Variants in COL12A1 observed in about 807,000 individuals in gnomAD.
The protein encoded by COL12A1 is collagen type XII alpha 1 chain, also known as collagen alpha-1(XII) chain.
In COL12A1, 114 loss-of-function variants were observed where a neutral mutation model predicts 349.7. The ratio of observed to expected loss-of-function variants is 0.33; its 90% CI spans 0.28 to 0.38. COL12A1 has a LOEUF of 0.38. Among genes scored for constraint, COL12A1 ranks in the 10% least tolerant of loss-of-function variants. COL12A1 has a pLI of 1.00. For synonymous variants in COL12A1, 1,369 were observed against 1,329.0 expected, an observed-to-expected ratio of 1.03 and a Z score of -0.66; for missense variants, 3,284 against 3,756.9, an observed-to-expected ratio of 0.87 and a Z score of 3.29.
At chr6:75,190,780 C>A (rs1582211369) in intron 5 of COL12A1, among the ~76,000 whole-genome samples, 1 of 151,858 alleles carries the variant, frequency 6.6e-6, no homozygotes, top group African/African-American at 2.4e-5. Flanking sequence ...CAAATAAATA[C>A]AAGTTGTATG....
intron 21 of COL12A1, among the ~76,000 whole-genome samples, chr6:75,149,995 T>C (rs73749973): frequency 0.024 from 3,631 of 152,162 alleles, 141 homozygotes; most frequent in African/African-American, 0.082. Flanking sequence ...AATCTGTTGT[T>C]CAAAATTCAA....
At position 75,104,419 on chromosome 6, in the gene COL12A1, T is replaced by G. The variant is rs76099806; in HGVS notation, c.8266-609A>C. The stretch of plus-strand genomic sequence containing the variant: ...TGATTCTATATATGAGGAGCTGGCT[T>G]GTAATTAACCTAAAATCGGTCTACA... On this transcript the variant is annotated intron_variant, in intron 54 of 65. Coordinates refer to ENST00000322507, the MANE Select transcript of COL12A1 (RefSeq NM_004370.6). 9.5e-3 allele frequency among the ~76,000 whole-genome samples: 1,445 copies of G among 152,344 alleles called. 18 individuals carry two copies. Among genetic ancestry groups the G allele is most frequent in the African/African-American group, 0.033 (1,369 of 41,584 alleles).
At chr6:75,149,465 C>T (rs766554836) in intron 21 of COL12A1, among the ~76,000 whole-genome samples, 2 of 152,022 alleles carry the variant, frequency 1.3e-5, no homozygotes, top group African/African-American at 2.4e-5. Flanking sequence ...ACATGTTTTT[C>T]AATCTGGGAA....
At chr6:75,143,536 C>T (rs1582124172) in intron 25 of COL12A1, 148 bp from the exon 26 acceptor site, 3 of 804,902 alleles carry the variant, frequency 3.7e-6, no homozygotes, top group Non-Finnish European at 5.7e-6. Context: ...GATAAAAGTA[C>T]CATGATTCTA....
chr6:75,113,509 A>ATATATAGTC, intron 50 of COL12A1, 93 bp downstream of exon 50: 1 of 1,191,414 alleles, frequency 8.4e-7, no homozygotes, highest in Non-Finnish European at 1.1e-6. Context: ...AAATAAATAT[A>ATATATAGTC]TATATAGTCT....
At chr6:75,137,667 T>A in intron 30 of COL12A1, 88 bp from the exon 31 acceptor site, 1 of 1,372,814 alleles carries the variant, frequency 7.3e-7, no homozygotes. Flanking sequence ...AATCAGAGAA[T>A]TCTATGCCTC....
chr6:75,197,548 G>A (rs1770296618), intron 2 of COL12A1, among the ~76,000 whole-genome samples: 1 of 152,040 alleles, frequency 6.6e-6, no homozygotes, highest in South Asian at 2.1e-4. Flanking sequence ...CTGACCTCAG[G>A]TGATCCGCCC....
At chr6:75,099,614 G>A (rs1768208395) in intron 58 of COL12A1, among the ~76,000 whole-genome samples, 1 of 151,018 alleles carries the variant, frequency 6.6e-6, no homozygotes, top group African/African-American at 2.5e-5. Flanking sequence ...GCAGAACTTT[G>A]TGCCACAATT....
Position 75,156,434 on chromosome 6 carries a change from T to A in COL12A1, c.3073A>T (p.Asn1025Tyr), listed in dbSNP as rs1450761024. The A allele has an allele frequency of 6.2e-7, 1 of 1,613,900 alleles. No individual in the cohort carries two copies. Among genetic ancestry groups the A allele is most frequent in the African/African-American group, 1.3e-5 (1 of 74,930 alleles). The stretch of plus-strand genomic sequence containing the variant: ...TGAGGGCGATAGACAACACGGTAGT[T>A]GACGACTTTCCCTGGTGCTGGTTTC... Reference protein sequence around the residue: ...TWKPAPGKVVNYRVVYRPHGR... With the variant: ...TWKPAPGKVVYYRVVYRPHGR... Residue 1025 changes from asparagine (N) to tyrosine (Y), a missense_variant, in exon 15 of 66, where the codon AAC becomes TAC. Asn to Tyr is a moderately radical substitution (Grantham distance 143). Transcript: ENST00000322507.
At chr6:75,188,607 T>C in intron 7 of COL12A1, 72 bp from the exon 8 acceptor site, 1 of 1,506,320 alleles carries the variant, frequency 6.6e-7, no homozygotes, top group East Asian at 2.3e-5. Flanking sequence ...TTCTTCGTTT[T>C]CTCCATCTTT....
intron 47 of COL12A1, 119 bp downstream of exon 47, chr6:75,117,263 G>A (rs1769127049): frequency 2.0e-6 from 2 of 991,068 alleles, no homozygotes; most frequent in South Asian, 1.7e-5. Flanking sequence ...AGGTTCTCAA[G>A]TGATTTCCCA....
rs1770599760 is a variant in COL12A1 at position 75,202,804 on chromosome 6, G to T, written c.-12C>A. On this transcript the variant is annotated 5_prime_UTR_variant, in exon 2 of 66. Coordinates refer to ENST00000322507, the MANE Select transcript of COL12A1 (RefSeq NM_004370.6). ...AGCCTACTCCGCATCCTTGGCCTCC[G>T]AGCTTACAGCGGCATGAAGAGATCT... 6.4e-7 allele frequency: 1 copy of T among 1,551,608 alleles called. No individual in the cohort carries two copies. Among genetic ancestry groups the T allele is most frequent in the Non-Finnish European group, 8.7e-7 (1 of 1,146,868 alleles).
Position 75,137,498 on chromosome 6 carries a change from C to A in COL12A1, c.5333G>T (p.Gly1778Val). The A allele has an allele frequency of 1.2e-6, 2 of 1,613,784 alleles. No homozygotes were observed. Among genetic ancestry groups the A allele is most frequent in the Non-Finnish European group, 1.7e-6 (2 of 1,179,818 alleles). Residue 1778 changes from glycine to valine, a missense_variant, in exon 31 of 66, where the codon GGT (glycine) becomes GTT (valine). Around this residue, in one of 2 missense-constraint regions of COL12A1, gnomAD observed 2,601 missense variants for 2,824.8 expected, o/e 0.92. Coordinates refer to ENST00000322507, the MANE Select transcript of COL12A1 (RefSeq NM_004370.6). Reference protein sequence around the residue: ...SLTVKWDPASGRVQKYRITYQ... With the variant: ...SLTVKWDPASVRVQKYRITYQ... The stretch of plus-strand genomic sequence containing the variant: ...AGTGATCCTATATTTCTGCACACGA[C>A]CACTAGCAGGATCCCACTTAACAGT...
chr6:75,189,453 A>T, intron 6 of COL12A1, 72 bp from the exon 7 acceptor site: 2 of 1,573,202 alleles, frequency 1.3e-6, no homozygotes, highest in Non-Finnish European at 1.7e-6. Flanking sequence ...CTATGTGAAC[A>T]ATGTCAAAAA....
rs78887854 is a variant in COL12A1, at chr6:75,104,019, T to G, written c.8266-209A>C. 0.039 allele frequency among the ~76,000 whole-genome samples: 5,881 copies of G among 152,246 alleles called. 387 individuals carry two copies. Among genetic ancestry groups the G allele is most frequent in the African/African-American group, 0.13 (5,522 of 41,514 alleles). On this transcript the variant is annotated intron_variant, in intron 54 of 65. Coordinates refer to ENST00000322507, the MANE Select transcript of COL12A1 (RefSeq NM_004370.6). ...TACATTCTGAGTGTCTTTAATTATA[T>G]TTCAAATTTCAAATTTTCATTTGAA...
intron 64 of COL12A1, 79 bp from the exon 65 acceptor site, chr6:75,087,826 C>A: frequency 1.4e-6 from 2 of 1,408,238 alleles, no homozygotes; most frequent in Non-Finnish European, 2.0e-6. Flanking sequence ...CTTTAAGTGG[C>A]ACCTCCACTG....
chr6:75,126,917 T>C (rs904053549), intron 38 of COL12A1, among the ~76,000 whole-genome samples: 2 of 152,112 alleles, frequency 1.3e-5, no homozygotes, highest in African/African-American at 4.8e-5. Context: ...GTTTTTTCCC[T>C]GTACCTCTCT....
chr6:75,118,745 C>T (rs1445760895), intron 46 of COL12A1, among the ~76,000 whole-genome samples: 1 of 152,212 alleles, frequency 6.6e-6, no homozygotes, highest in Non-Finnish European at 1.5e-5. Flanking sequence ...TGGCAGGAAG[C>T]CTGCTCTAGC....
At chr6:75,110,131 A>G (rs1439411222) in intron 51 of COL12A1, among the ~76,000 whole-genome samples, 1 of 152,048 alleles carries the variant, frequency 6.6e-6, no homozygotes, top group Non-Finnish European at 1.5e-5. Flanking sequence ...ATAACTTACC[A>G]AAAATAAAGT....
Sources: allele counts gnomAD v4.1 joint callset (sites outside exome capture counted in the v4.1 genomes callset), GRCh38; gene constraint gnomAD v4.1.1; regional missense constraint gnomAD v4.1.1; transcripts MANE v1.5; gene names NCBI Gene and HGNC (gene_info 2026-07-23, HGNC 2026-07-21).